Variants in CNTNAP2 observed in about 807,000 individuals in gnomAD.
CNTNAP2 encodes the protein contactin associated protein 2, also known as contactin-associated protein-like 2.
Under a neutral mutation model 155.2 loss-of-function variants are expected in CNTNAP2, and 98 were observed. The observed-to-expected ratio is 0.63, with a 90% CI of 0.54 to 0.75. The LOEUF (loss-of-function observed/expected upper bound fraction) is 0.75, where lower values mean the gene tolerates loss of function less well. Ranked by LOEUF, CNTNAP2 falls within the 30% of genes least tolerant of loss-of-function variation. CNTNAP2 has a pLI of 0.00. For synonymous variants in CNTNAP2, 651 were observed against 631.2 expected, an observed-to-expected ratio of 1.03 and a Z score of -0.47; for missense variants, 1,727 against 1,688.1, an observed-to-expected ratio of 1.02 and a Z score of -0.40.
chr7:147,321,641 G>A (rs755472347), intron 9 of CNTNAP2, among the ~76,000 whole-genome samples: 5 of 152,102 alleles, frequency 3.3e-5, no homozygotes, highest in Non-Finnish European at 5.9e-5. Flanking sequence ...GTGCCAGTGC[G>A]CAAGAGCACT....
chr7:147,285,850 G>T, intron 8 of CNTNAP2, among the ~76,000 whole-genome samples: 1 of 151,998 alleles, frequency 6.6e-6, no homozygotes, highest in East Asian at 1.9e-4. Context: ...ACAAGAGAAT[G>T]CCTATATTTG....
At chr7:147,168,971 T>A (rs185181398) in intron 8 of CNTNAP2, among the ~76,000 whole-genome samples, 6 of 152,164 alleles carry the variant, frequency 3.9e-5, no homozygotes, top group Non-Finnish European at 5.9e-5. Flanking sequence ...TAAGACCAAA[T>A]GAGTATATCA....
intron 3 of CNTNAP2, among the ~76,000 whole-genome samples, chr7:146,929,211 C>A (rs558414435): frequency 6.6e-6 from 1 of 152,192 alleles, no homozygotes; most frequent in South Asian, 2.1e-4. Context: ...ACTGACACCT[C>A]ACACGGCCGG....
intron 3 of CNTNAP2, chr7:146,915,759 C>T (rs1230626650): frequency 2.6e-5 from 4 of 151,950 alleles, no homozygotes; most frequent in African/African-American, 9.7e-5. Context: ...AGAATTATAT[C>T]ATCAGCAAAA....
intron 10 of CNTNAP2, among the ~76,000 whole-genome samples, chr7:147,480,646 A>G (rs1798404701): frequency 6.6e-6 from 1 of 152,324 alleles, no homozygotes; most frequent in Admixed American, 6.5e-5. Context: ...GACCTATGGA[A>G]AAGCAGTCTT....
intron 11 of CNTNAP2, among the ~76,000 whole-genome samples, chr7:147,500,266 T>A (rs1008750054): frequency 2.6e-5 from 4 of 152,104 alleles, no homozygotes; most frequent in Admixed American, 6.5e-5. Flanking sequence ...TAAAACCTTA[T>A]CAAAGACAAA....
chr7:147,945,091 C>T (rs546113675), intron 14 of CNTNAP2, among the ~76,000 whole-genome samples: 152 of 152,224 alleles, frequency 1.0e-3, no homozygotes, highest in Admixed American at 2.1e-3. Flanking sequence ...GAATTATATC[C>T]AAATTGCTAA....
At chr7:147,584,761 A>G (rs1800584454) in intron 12 of CNTNAP2, among the ~76,000 whole-genome samples, 1 of 152,208 alleles carries the variant, frequency 6.6e-6, no homozygotes. Context: ...GATGCTGCTG[A>G]GAAAGAAACA....
intron 2 of CNTNAP2, among the ~76,000 whole-genome samples, chr7:146,811,572 CA>C (rs1192046016): frequency 6.6e-6 from 1 of 151,464 alleles, no homozygotes; most frequent in Non-Finnish European, 1.5e-5. Context: ...TTTATGTTTT[CA>C]AAAAAACTCA....
Position 148,418,195 on chromosome 7 carries a change from A to C in CNTNAP2, c.*2579A>C, listed in dbSNP as rs890338876. 1.3e-5 allele frequency: 2 copies of C among 152,240 alleles called. No homozygotes were observed. The highest frequency in any genetic ancestry group is 4.8e-5 in the African/African-American group (2 of 41,462). The allele number at this position is 152,240 out of a possible 1,614,324, so 9.4% of individuals were successfully genotyped here. ...TGTTTATGAAGGCCATATTCAGTAC[A>C]TTTTAAATGGTAAATAATCTGTTTA... On this transcript the variant is annotated 3_prime_UTR_variant, in exon 24 of 24. Coordinates refer to ENST00000361727, the MANE Select transcript of CNTNAP2 (RefSeq NM_014141.6).
intron 1 of CNTNAP2, among the ~76,000 whole-genome samples, chr7:146,740,105 G>C (rs536542426): frequency 7.3e-4 from 111 of 152,006 alleles, no homozygotes; most frequent in Middle Eastern, 3.4e-3. Context: ...TTTTGATGCT[G>C]TCACATAAGT....
At chr7:147,358,507 T>G (rs1240192298) in intron 9 of CNTNAP2, among the ~76,000 whole-genome samples, 1 of 152,128 alleles carries the variant, frequency 6.6e-6, no homozygotes, top group Non-Finnish European at 1.5e-5. Context: ...GTTGCAGTCA[T>G]TTTTAACACA....
At position 147,683,253 on chromosome 7, in the gene CNTNAP2, G is replaced by A. The variant is rs545653108; in HGVS notation, c.2098+43947G>A. 7.9e-5 allele frequency among the ~76,000 whole-genome samples: 12 copies of A among 151,784 alleles called. No individual in the cohort carries two copies. In the East Asian group the frequency reaches 2.1e-3, roughly 27 times the overall value. The stretch of plus-strand genomic sequence containing the variant: ...AATGTAATTAATCCCAATTTAAACA[G>A]GTAAAAAATGAAACTTTGATATATG... On this transcript the variant is annotated intron_variant, in intron 13 of 23. Coordinates refer to ENST00000361727, the MANE Select transcript of CNTNAP2 (RefSeq NM_014141.6).
At chr7:148,369,638 T>TTTATTATTA (rs1294835972) in intron 21 of CNTNAP2, among the ~76,000 whole-genome samples, 1 of 120,392 alleles carries the variant, frequency 8.3e-6, no homozygotes, top group African/African-American at 3.2e-5. Flanking sequence ...GTTGCTGTTC[T>TTTATTATTA]TTATCATTAT....
At chr7:147,944,470 C>T (rs2116819963) in intron 14 of CNTNAP2, among the ~76,000 whole-genome samples, 1 of 152,270 alleles carries the variant, frequency 6.6e-6, no homozygotes, top group South Asian at 2.1e-4. Context: ...CTCACAAGAC[C>T]ATCTGCCTGT....
chr7:147,614,882 A>G (rs1801252434), intron 12 of CNTNAP2, among the ~76,000 whole-genome samples: 1 of 151,810 alleles, frequency 6.6e-6, no homozygotes, highest in Admixed American at 6.6e-5. Flanking sequence ...ACTATGTTGC[A>G]TTAATTTTTA....
chr7:147,907,607 G>A (rs1182542644), intron 14 of CNTNAP2, among the ~76,000 whole-genome samples: 1 of 151,998 alleles, frequency 6.6e-6, no homozygotes, highest in Non-Finnish European at 1.5e-5. Flanking sequence ...GCCCAGATTT[G>A]CCACTTTTGG....
intron 13 of CNTNAP2, among the ~76,000 whole-genome samples, chr7:147,867,594 G>A (rs144966044): frequency 0.011 from 1,680 of 152,240 alleles, 92 homozygotes; most frequent in Admixed American, 0.09. Flanking sequence ...CCAATCAAAC[G>A]TAGATTTGGT....
intron 12 of CNTNAP2, among the ~76,000 whole-genome samples, chr7:147,579,735 G>A (rs547600364): frequency 6.6e-6 from 1 of 152,024 alleles, no homozygotes; most frequent in Non-Finnish European, 1.5e-5. Context: ...GAAAGGTTGT[G>A]TTTAGTTCAC....
Sources: gnomAD v4.1 joint callset for allele counts (sites outside exome capture counted in the v4.1 genomes callset) on GRCh38, gnomAD v4.1.1 for gene constraint, MANE v1.5 for transcripts, NCBI Gene and HGNC (gene_info 2026-07-23, HGNC 2026-07-21) for gene names.